The following BANK1 variants were observed in gnomAD, a reference collection of about 807,000 sequenced individuals.
BANK1 encodes B-cell scaffold protein with ankyrin repeats.
Under a neutral mutation model 94.5 loss-of-function variants are expected in BANK1, and 95 were observed. The ratio of observed to expected loss-of-function variants is 1.00; its 90% CI spans 0.85 to 1.19. The LOEUF (loss-of-function observed/expected upper bound fraction) is 1.19, where lower values mean the gene tolerates loss of function less well. Among genes scored for constraint, BANK1 ranks in the 50% most tolerant of loss-of-function variants. The pLI, the probability that BANK1 is intolerant of heterozygous loss-of-function variation, is 0.00. For synonymous variants in BANK1, 334 were observed against 308.4 expected, an observed-to-expected ratio of 1.08 and a Z score of -0.87; for missense variants, 987 against 932.2, an observed-to-expected ratio of 1.06 and a Z score of -0.77.
At chr4:101,870,737 G>T in intron 5 of BANK1, 93 bp downstream of exon 5, 7 of 1,405,516 alleles carry the variant, frequency 5.0e-6, no homozygotes, top group Non-Finnish European at 5.7e-6. Flanking sequence ...GTTTGAATGT[G>T]GATTGAATAA....
chr4:101,905,813 C>G (rs1722430027), intron 6 of BANK1, among the ~76,000 whole-genome samples: 1 of 152,194 alleles, frequency 6.6e-6, no homozygotes, highest in African/African-American at 2.4e-5. Context: ...ATAACTGCAG[C>G]ACTATATCCT....
In BANK1 at chr4:102,060,220, G is replaced by A. The variant is rs190616899; in HGVS notation, c.1979G>A (p.Arg660Gln). 167 of 1,575,142 alleles carry A rather than the reference G, an allele frequency of 1.1e-4. 1 individual carries two copies. In the Admixed American group the frequency reaches 2.5e-3, roughly 24 times the overall value. ...TCCCCTTGTATTTTAGACAGAGCTC[G>A]GATAGAGAGTCCAGCCTTTTCTACT... ...CGLPKKQDRARIESPAFSTLR... is the reference protein window; with the variant it reads ...CGLPKKQDRAQIESPAFSTLR... The change falls in exon 12 of 17, where the codon CGG becomes CAG. Residue 660 changes from arginine (R) to glutamine (Q), a missense_variant. Coordinates refer to ENST00000322953, the MANE Select transcript of BANK1 (RefSeq NM_017935.5).
At chr4:101,806,924 T>G (rs1235442414) in intron 1 of BANK1, among the ~76,000 whole-genome samples, 1 of 152,170 alleles carries the variant, frequency 6.6e-6, no homozygotes, top group Non-Finnish European at 1.5e-5. Context: ...ACAGCTCTAT[T>G]TCATTTTATC....
At chr4:101,911,500 T>TA (rs2148897661) in intron 6 of BANK1, among the ~76,000 whole-genome samples, 1 of 151,950 alleles carries the variant, frequency 6.6e-6, no homozygotes, top group South Asian at 2.1e-4. Flanking sequence ...TACTGCCCTT[T>TA]AGGAAGAAGC....
chr4:101,932,153 C>T (rs768555024), intron 7 of BANK1, among the ~76,000 whole-genome samples: 28 of 151,488 alleles, frequency 1.8e-4, no homozygotes, highest in Admixed American at 3.3e-4. Context: ...ACAATCCCTC[C>T]CTGTGAAGAA....
intron 7 of BANK1, among the ~76,000 whole-genome samples, chr4:102,010,266 AAAAC>A (rs1463907756): frequency 4.6e-5 from 7 of 152,176 alleles, no homozygotes; most frequent in Admixed American, 2.6e-4. Flanking sequence ...CTCCATCTCA[AAAAC>A]AAACAAACAA....
At chr4:101,904,453 C>A (rs1404390019) in intron 6 of BANK1, among the ~76,000 whole-genome samples, 1 of 152,210 alleles carries the variant, frequency 6.6e-6, no homozygotes, top group Admixed American at 6.5e-5. Context: ...ATTGTTCTAT[C>A]CAAATTTGCT....
chr4:101,920,867 A>C (rs1722978825), intron 7 of BANK1, among the ~76,000 whole-genome samples: 1 of 151,940 alleles, frequency 6.6e-6, no homozygotes, highest in Non-Finnish European at 1.5e-5. Context: ...ACACAAAAGC[A>C]TTAGCAAGCA....
At chr4:101,854,483 C>T (rs1269841592) in intron 2 of BANK1, among the ~76,000 whole-genome samples, 1 of 152,100 alleles carries the variant, frequency 6.6e-6, no homozygotes, top group African/African-American at 2.4e-5. Flanking sequence ...TTGATATAGA[C>T]ACTTATTTCC....
intron 1 of BANK1, among the ~76,000 whole-genome samples, chr4:101,807,450 A>G (rs186130703): frequency 1.3e-3 from 205 of 152,262 alleles, no homozygotes; most frequent in Non-Finnish European, 2.4e-3. Flanking sequence ...AGAGCTCCAA[A>G]CCGAGACATT....
intron 1 of BANK1, among the ~76,000 whole-genome samples, chr4:101,806,799 A>C (rs1363830743): frequency 6.6e-6 from 1 of 152,182 alleles, no homozygotes; most frequent in Non-Finnish European, 1.5e-5. Context: ...TCCATCATTC[A>C]TTTATTCTTC....
chr4:101,844,886 A>C (rs1395080673), intron 2 of BANK1, among the ~76,000 whole-genome samples: 1 of 151,558 alleles, frequency 6.6e-6, no homozygotes, highest in African/African-American at 2.4e-5. Flanking sequence ...AAGTTTTCCT[A>C]GACCTAACTG....
intron 7 of BANK1, among the ~76,000 whole-genome samples, chr4:102,014,295 A>G (rs1368276565): frequency 6.6e-6 from 1 of 152,100 alleles, no homozygotes; most frequent in Non-Finnish European, 1.5e-5. Flanking sequence ...TTGATTGGGT[A>G]ACTTTGCTCT....
rs1578343999 is a variant in BANK1, at chr4:101,832,976, A to G, written c.469+2770A>G. On this transcript the variant is annotated intron_variant, in intron 2 of 16. Coordinates refer to ENST00000322953, the MANE Select transcript of BANK1 (RefSeq NM_017935.5). ...CTTTATATAGATTCTATGCTTGTTCAGGTTTCTTTCTTTTTTTTTTGAGAC... is the reference window on the plus strand; with the variant it reads ...CTTTATATAGATTCTATGCTTGTTCGGGTTTCTTTCTTTTTTTTTTGAGAC... Among the ~76,000 whole-genome samples the G allele has an allele frequency of 2.2e-5, 3 of 139,266 alleles. No homozygotes were observed. In the South Asian group the frequency reaches 6.8e-4, roughly 32 times the overall value. 91.4% of individuals were successfully genotyped at this position (139,266 alleles called of 152,430 possible). A position where few individuals can be genotyped will look rare whatever the true frequency, so the allele number is the denominator to read the frequency against.
chr4:101,867,614 A>G (rs75992639), intron 4 of BANK1, among the ~76,000 whole-genome samples: 3,000 of 152,154 alleles, frequency 0.02, 106 homozygotes, highest in African/African-American at 0.069. Flanking sequence ...AGTGAAAGTA[A>G]TGACAGCAAT....
chr4:101,919,208 A>G (rs1438115726), intron 7 of BANK1, among the ~76,000 whole-genome samples: 2 of 151,914 alleles, frequency 1.3e-5, no homozygotes, highest in Non-Finnish European at 2.9e-5. Context: ...TATTTAATAC[A>G]TTTTAGTTGC....
At chr4:101,819,474 A>G (rs1222256649) in intron 1 of BANK1, among the ~76,000 whole-genome samples, 2 of 152,190 alleles carry the variant, frequency 1.3e-5, no homozygotes, top group Non-Finnish European at 2.9e-5. Flanking sequence ...AAGATGATAT[A>G]GAACCTTCAT....
chr4:101,899,646 G>T (rs1343404816), intron 6 of BANK1, among the ~76,000 whole-genome samples: 1 of 152,146 alleles, frequency 6.6e-6, no homozygotes, highest in African/African-American at 2.4e-5. Context: ...TTTTGAAAAG[G>T]TATGCTTACA....
intron 7 of BANK1, among the ~76,000 whole-genome samples, chr4:101,943,238 CT>C (rs532503564): frequency 1.7e-4 from 26 of 152,066 alleles, no homozygotes; most frequent in African/African-American, 5.1e-4. Context: ...AAATTAGTGC[CT>C]TGCCCTCAAG....
Sources: allele counts gnomAD v4.1 joint callset (sites outside exome capture counted in the v4.1 genomes callset), GRCh38; gene constraint gnomAD v4.1.1; transcripts MANE v1.5; gene names NCBI Gene and HGNC (gene_info 2026-07-23, HGNC 2026-07-21).